BMP2: variants seen among roughly 807,000 people sequenced by gnomAD.
BMP2 encodes bone morphogenetic protein 2.
A neutral mutation model predicts 28.8 loss-of-function variants in BMP2; 2 were observed. That is an observed-to-expected ratio of 0.07 (90% CI 0.03 to 0.22). The LOEUF (loss-of-function observed/expected upper bound fraction) is 0.22, where lower values mean the gene tolerates loss of function less well. Ranked by LOEUF, BMP2 falls within the 10% of genes least tolerant of loss-of-function variation. BMP2 has a pLI of 1.00. For synonymous variants in BMP2, 218 were observed against 204.3 expected, an observed-to-expected ratio of 1.07 and a Z score of -0.57; for missense variants, 437 against 517.7, an observed-to-expected ratio of 0.84 and a Z score of 1.51.
chr20:6,768,649 CG>C lies in BMP2; in HGVS notation c.-233del. ...CCAGCGGAGCCTGCTTCGCCATCTC[CG>C]AGCCCCACCGCCCCTCCACTCCTCG... On this transcript the variant is annotated 5_prime_UTR_variant, in exon 1 of 3. Coordinates refer to ENST00000378827, the MANE Select transcript of BMP2 (RefSeq NM_001200.4). The C allele has an allele frequency of 5.0e-6, 2 of 396,294 alleles. No individual in the cohort carries two copies. The highest frequency in any genetic ancestry group is 8.9e-6 in the Non-Finnish European group (2 of 224,942). 24.5% of individuals were successfully genotyped at this position (396,294 alleles called of 1,614,324 possible).
In BMP2 at chr20:6,779,145, AAAAAAC is replaced by A; in HGVS notation, c.*60_*65del. 1 of 937,066 alleles carries A rather than the reference AAAAAAC, an allele frequency of 1.1e-6. No individual in the cohort carries two copies. The highest frequency in any genetic ancestry group is 1.4e-6 in the Non-Finnish European group (1 of 737,024). 58.0% of individuals were successfully genotyped at this position (937,066 alleles called of 1,614,324 possible). ...ATATATATATATTTTAGAAAAAAGA[AAAAAAC>A]AAACAAACAAAAAAACCCCACCCCA... is the stretch of plus-strand genomic sequence containing the variant. On this transcript the variant is annotated 3_prime_UTR_variant, in exon 3 of 3. Transcript: ENST00000378827.
chr20:6,772,267 A>G (rs897500488), intron 2 of BMP2, among the ~76,000 whole-genome samples: 9 of 152,244 alleles, frequency 5.9e-5, no homozygotes, highest in African/African-American at 2.2e-4. Context: ...ATCAGAATTT[A>G]TATCTTTGTG....
chr20:6,770,072 G>A, intron 1 of BMP2, 48 bp from the exon 2 acceptor site: 7 of 1,479,806 alleles, frequency 4.7e-6, no homozygotes, highest in Non-Finnish European at 6.3e-6. Flanking sequence ...CGCGAGGGGG[G>A]AGGACTGGGC....
rs1265893672 is a variant in BMP2 at position 6,768,740 on chromosome 20, GAGA to G, written c.-140_-138del. The stretch of plus-strand genomic sequence containing the variant: ...GAGAGACTGCGCGGCCGGCACCCGG[GAGA>G]AGGAGGAGGCAAAGAAAAGGAACGG... On this transcript the variant is annotated 5_prime_UTR_variant, in exon 1 of 3. Coordinates refer to ENST00000378827, the MANE Select transcript of BMP2 (RefSeq NM_001200.4). The G allele has an allele frequency of 5.0e-6, 2 of 397,992 alleles. No homozygotes were observed. Among genetic ancestry groups the G allele is most frequent in the Non-Finnish European group, 8.9e-6 (2 of 225,880 alleles). 24.7% of individuals were successfully genotyped at this position (397,992 alleles called of 1,614,324 possible).
Position 6,770,268 on chromosome 20 carries a change from G to A in BMP2, c.142G>A (p.Glu48Lys), listed in dbSNP as rs1343341933. 6.2e-7 allele frequency: 1 copy of A among 1,612,724 alleles called. No individual in the cohort carries two copies. The highest frequency in any genetic ancestry group is 1.1e-5 in the South Asian group (1 of 90,894). ...SGRPSSQPSD[E>K]VLSEFELRLL... is the part of the protein sequence containing the mutation. Reference sequence around the variant, plus strand: ...CCGCCCCTCATCCCAGCCCTCTGACGAGGTCCTGAGCGAGTTCGAGTTGCG... The same window carrying A: ...CCGCCCCTCATCCCAGCCCTCTGACAAGGTCCTGAGCGAGTTCGAGTTGCG... Residue 48 changes from glutamate (E) to lysine (K), a missense_variant, in exon 2 of 3, where the codon GAG (glutamate) becomes AAG (lysine). Glu to Lys is a moderately conservative substitution (Grantham distance 56). Around this residue, in one of 2 missense-constraint regions of BMP2, gnomAD observed 363 missense variants for 392.8 expected, o/e 0.92. Transcript: ENST00000378827.
chr20:6,769,841 GGC>G (rs955230856), intron 1 of BMP2, among the ~76,000 whole-genome samples: 30 of 152,118 alleles, frequency 2.0e-4, no homozygotes, highest in Non-Finnish European at 1.8e-4. Flanking sequence ...GACAGTCATT[GGC>G]GCTGGTTTGG....
rs762563014 is a variant in BMP2, at chr20:6,770,195, C to G, written c.69C>G (p.Gly23=). 5 of 1,586,278 alleles carry G rather than the reference C, an allele frequency of 3.2e-6. No individual in the cohort carries two copies. In the African/African-American group the frequency reaches 6.7e-5, roughly 21 times the overall value. ...AGGTCCTCCTGGGCGGCGCGGCTGG[C>G]CTCGTTCCGGAGCTGGGCCGCAGGA... ...LPQVLLGGAA[G]LVPELGRRKF... The change falls in exon 2 of 3, where the codon GGC becomes GGG. Residue 23 remains glycine (G), a synonymous_variant. Coordinates refer to ENST00000378827, the MANE Select transcript of BMP2 (RefSeq NM_001200.4).
At chr20:6,771,705 A>G (rs759533030) in intron 2 of BMP2, among the ~76,000 whole-genome samples, 1 of 152,246 alleles carries the variant, frequency 6.6e-6, no homozygotes, top group Non-Finnish European at 1.5e-5. Context: ...GCAGCTACAC[A>G]TTACGACGGG....
At chr20:6,775,821 G>A (rs1222510617) in intron 2 of BMP2, among the ~76,000 whole-genome samples, 1 of 152,154 alleles carries the variant, frequency 6.6e-6, no homozygotes, top group Non-Finnish European at 1.5e-5. Context: ...GAGAGAGAAT[G>A]TGTGAGAATG....
intron 2 of BMP2, among the ~76,000 whole-genome samples, chr20:6,776,660 T>C (rs1986506523): frequency 6.6e-6 from 1 of 152,180 alleles, no homozygotes; most frequent in Non-Finnish European, 1.5e-5. Context: ...AGCTTTACGG[T>C]GTACAAGCTG....
intron 1 of BMP2, among the ~76,000 whole-genome samples, chr20:6,769,737 G>C (rs1003126041): frequency 1.3e-5 from 2 of 151,970 alleles, no homozygotes; most frequent in African/African-American, 4.8e-5. Flanking sequence ...CTCCGCATTT[G>C]GGTTTGTATA....
rs1463073209 is a variant in BMP2, at chr20:6,778,595, T to G, written c.697T>G (p.Leu233Val). 1.9e-6 allele frequency: 3 copies of G among 1,614,068 alleles called. No homozygotes were observed. Among genetic ancestry groups the G allele is most frequent in the Non-Finnish European group, 2.5e-6 (3 of 1,180,004 alleles). Residue 233 changes from leucine to valine, a missense_variant, in exon 3 of 3, where the codon TTG becomes GTG. Coordinates refer to ENST00000378827, the MANE Select transcript of BMP2 (RefSeq NM_001200.4). The surrounding 1 kb of genome is among the most constrained non-coding windows in gnomAD (Gnocchi z 5.0). The part of the protein sequence containing the change: ...NHGFVVEVAH[L>V]EEKQGVSKRH... ...TGGATTCGTGGTGGAAGTGGCCCAC[T>G]TGGAGGAGAAACAAGGTGTCTCCAA...
chr20:6,779,978 A>G lies in BMP2; in HGVS notation c.*889A>G, dbSNP rs1249951271. On this transcript the variant is annotated 3_prime_UTR_variant, in exon 3 of 3. Coordinates refer to ENST00000378827, the MANE Select transcript of BMP2 (RefSeq NM_001200.4). ...TTCATTATTGATATTGTGGTCATAT[A>G]TATTTAAAATTGATATCTCGTGGCC... is the stretch of plus-strand genomic sequence containing the variant. The G allele has an allele frequency of 6.6e-6, 1 of 152,650 alleles. No individual in the cohort carries two copies. The highest frequency in any genetic ancestry group is 2.1e-4 in the South Asian group (1 of 4,834). 9.5% of individuals were successfully genotyped at this position (152,650 alleles called of 1,614,324 possible). A position where few individuals can be genotyped will look rare whatever the true frequency, so the allele number is the denominator to read the frequency against.
rs922510797 is a variant in BMP2, at chr20:6,768,001, C to G, written c.-882C>G. 2 of 397,482 alleles carry G rather than the reference C, an allele frequency of 5.0e-6. No homozygotes were observed. The highest frequency in any genetic ancestry group is 4.4e-6 in the Non-Finnish European group (1 of 225,452). 24.6% of individuals were successfully genotyped at this position (397,482 alleles called of 1,614,324 possible). A position where few individuals can be genotyped will look rare whatever the true frequency, so the allele number is the denominator to read the frequency against. On this transcript the variant is annotated 5_prime_UTR_variant, in exon 1 of 3. Coordinates refer to ENST00000378827, the MANE Select transcript of BMP2 (RefSeq NM_001200.4). ...ACGGGCGCGCAGAGCGCCGGGGACT[C>G]CGGAGCCGATCCCTAGCGCCGCGAT...
chr20:6,778,621 G>C lies in BMP2; in HGVS notation c.723G>C (p.Lys241Asn), dbSNP rs1370398615. ...AHLEEKQGVS[K>N]RHVRISRSLH... The stretch of plus-strand genomic sequence containing the variant: ...TGGAGGAGAAACAAGGTGTCTCCAA[G>C]AGACATGTTAGGATAAGCAGGTCTT... The change falls in exon 3 of 3, where the codon AAG becomes AAC. Residue 241 changes from lysine (K) to asparagine (N), a missense_variant. Lys to Asn is a moderately conservative substitution (Grantham distance 94). Around this residue, in one of 2 missense-constraint regions of BMP2, gnomAD observed 363 missense variants for 392.8 expected, o/e 0.92. Transcript: ENST00000378827. The surrounding 1 kb of genome is among the most constrained non-coding windows in gnomAD (Gnocchi z 5.0). 2 of 1,614,066 alleles carry C rather than the reference G, an allele frequency of 1.2e-6. No homozygotes were observed. The highest frequency in any genetic ancestry group is 1.7e-6 in the Non-Finnish European group (2 of 1,179,970).
At position 6,768,220 on chromosome 20, in the gene BMP2, G is replaced by A; in HGVS notation, c.-663G>A. 1 of 398,308 alleles carries A rather than the reference G, an allele frequency of 2.5e-6. No individual in the cohort carries two copies. Among genetic ancestry groups the A allele is most frequent in the Non-Finnish European group, 4.4e-6 (1 of 225,870 alleles). 24.7% of individuals were successfully genotyped at this position (398,308 alleles called of 1,614,324 possible). The stretch of plus-strand genomic sequence containing the variant: ...CGCCCGAGGACGACGGGGCGCCAGA[G>A]CCGCGGTGCTTTCAACTGGCGAGCG... On this transcript the variant is annotated 5_prime_UTR_variant, in exon 1 of 3. Transcript: ENST00000378827.
At chr20:6,770,554 G>A in intron 2 of BMP2, 82 bp downstream of exon 2, 1 of 1,381,040 alleles carries the variant, frequency 7.2e-7, no homozygotes, top group Non-Finnish European at 9.7e-7. Flanking sequence ...CGTCCCTGTA[G>A]AGGCAGCTTG....
chr20:6,770,581 A>T (rs921724452), intron 2 of BMP2, 109 bp downstream of exon 2: 34 of 1,055,112 alleles, frequency 3.2e-5, no homozygotes, highest in African/African-American at 2.2e-4. Context: ...GCACCAGCGG[A>T]CGTTTCCACT....
rs1986570700 is a variant in BMP2 at position 6,779,142 on chromosome 20, AG to A, written c.*54del. The stretch of plus-strand genomic sequence containing the variant: ...TATATATATATATATTTTAGAAAAA[AG>A]AAAAAAACAAACAAACAAAAAAACC... On this transcript the variant is annotated 3_prime_UTR_variant, in exon 3 of 3. Transcript: ENST00000378827. 1 of 950,206 alleles carries A rather than the reference AG, an allele frequency of 1.1e-6. No individual in the cohort carries two copies. The highest frequency in any genetic ancestry group is 1.3e-6 in the Non-Finnish European group (1 of 747,938). 58.9% of individuals were successfully genotyped at this position (950,206 alleles called of 1,614,324 possible).
Sources: gnomAD v4.1 joint callset for allele counts (sites outside exome capture counted in the v4.1 genomes callset) on GRCh38, gnomAD v4.1.1 for gene constraint, gnomAD v4.1.1 regional missense constraint, Gnocchi (gnomAD v3.1) non-coding constraint, MANE v1.5 for transcripts, NCBI Gene and HGNC (gene_info 2026-07-23, HGNC 2026-07-21) for gene names.